The following CLVS2 variants were observed in gnomAD, a reference collection of about 807,000 sequenced individuals.
The protein encoded by CLVS2 is clavesin-2.
Under a neutral mutation model 29.0 loss-of-function variants are expected in CLVS2, and 19 were observed. The observed-to-expected ratio is 0.66, with a 90% CI of 0.46 to 0.96. The LOEUF is 0.96. CLVS2 is among the 40% of genes least tolerant of loss of function. The pLI, the probability that CLVS2 is intolerant of heterozygous loss-of-function variation, is 0.00. For synonymous variants in CLVS2, 161 were observed against 151.3 expected, an observed-to-expected ratio of 1.06 and a Z score of -0.47; for missense variants, 294 against 404.1, an observed-to-expected ratio of 0.73 and a Z score of 2.34.
chr6:123,024,701 A>G (rs1335471699), intron 3 of CLVS2, among the ~76,000 whole-genome samples: 3 of 152,156 alleles, frequency 2.0e-5, no homozygotes, highest in Admixed American at 2.0e-4. Context: ...TTAGAGAAAT[A>G]CTTTCTTGAA....
Position 123,055,210 on chromosome 6 carries a change from G to A in CLVS2, c.676-596G>A, listed in dbSNP as rs181072097. 7.9e-5 allele frequency among the ~76,000 whole-genome samples: 12 copies of A among 152,160 alleles called. No homozygotes were observed. In the East Asian group the frequency reaches 2.3e-3, roughly 29 times the overall value. ...ACATTACAGAACATAATGTCCTTTGGGACATGAACTTCACTCAGCCTTTCA... is the reference window on the plus strand; with the variant it reads ...ACATTACAGAACATAATGTCCTTTGAGACATGAACTTCACTCAGCCTTTCA... On this transcript the variant is annotated intron_variant, in intron 4 of 5. Transcript: ENST00000275162.
At chr6:123,013,630 A>T (rs1774783530) in intron 3 of CLVS2, among the ~76,000 whole-genome samples, 3 of 151,224 alleles carry the variant, frequency 2.0e-5, no homozygotes, top group Non-Finnish European at 4.4e-5. Context: ...TCATAAACCT[A>T]CTTATTTTTT....
intron 3 of CLVS2, among the ~76,000 whole-genome samples, chr6:123,027,400 A>G (rs561496900): frequency 2.0e-5 from 3 of 152,352 alleles, no homozygotes; most frequent in South Asian, 2.1e-4. Context: ...AAAAGTCCAC[A>G]TTAGTGCAGG....
At chr6:123,062,581 C>A (rs1772794498) in intron 5 of CLVS2, among the ~76,000 whole-genome samples, 1 of 152,006 alleles carries the variant, frequency 6.6e-6, no homozygotes, top group Non-Finnish European at 1.5e-5. Context: ...TTAATGCTTT[C>A]ACCTTCATTT....
At position 123,065,361 on chromosome 6, in the gene CLVS2, T is replaced by A. The variant is rs1772838363; in HGVS notation, c.*1600T>A. On this transcript the variant is annotated 3_prime_UTR_variant, in exon 6 of 6. Coordinates refer to ENST00000275162, the MANE Select transcript of CLVS2 (RefSeq NM_001010852.4). ...TAAAGGCATGTGTCAGCCTTCATAT[T>A]TTTTGGCCAAAAGCTCCCAAAATTT... 2 of 151,860 alleles carry A rather than the reference T, an allele frequency of 1.3e-5. No homozygotes were observed. The allele number at this position is 151,860 out of a possible 1,614,324, so 9.4% of individuals were successfully genotyped here.
Position 123,070,309 on chromosome 6 carries a change from G to A in CLVS2, c.*6548G>A, listed in dbSNP as rs1772923828. On this transcript the variant is annotated 3_prime_UTR_variant, in exon 6 of 6. Coordinates refer to ENST00000275162, the MANE Select transcript of CLVS2 (RefSeq NM_001010852.4). ...CCAGTTTCTAGGAATAAAAATTTTG[G>A]AGTCATCCTCTCTTTCCTTCCTCTT... 6.6e-6 allele frequency: 1 copy of A among 151,722 alleles called. No individual in the cohort carries two copies. Among genetic ancestry groups the A allele is most frequent in the African/African-American group, 2.4e-5 (1 of 41,322 alleles). The allele number at this position is 151,722 out of a possible 1,614,324, so 9.4% of individuals were successfully genotyped here. A position where few individuals can be genotyped will look rare whatever the true frequency, so the allele number is the denominator to read the frequency against.
chr6:123,042,082 A>G (rs1283718725), intron 3 of CLVS2, among the ~76,000 whole-genome samples: 1 of 152,190 alleles, frequency 6.6e-6, no homozygotes, highest in Non-Finnish European at 1.5e-5. Context: ...AACACTTATT[A>G]AAATTGAGAC....
At chr6:123,048,511 AATCTC>A in intron 3 of CLVS2, 106 bp from the exon 4 acceptor site, 2 of 668,836 alleles carry the variant, frequency 3.0e-6, no homozygotes, top group Non-Finnish European at 5.2e-6. Flanking sequence ...CTCCACAGAT[AATCTC>A]ATCTAAGTAT....
At chr6:123,022,157 A>G (rs1774933623) in intron 3 of CLVS2, among the ~76,000 whole-genome samples, 1 of 152,020 alleles carries the variant, frequency 6.6e-6, no homozygotes, top group African/African-American at 2.4e-5. Context: ...CATTTTAGTT[A>G]TACTTAATGG....
chr6:122,998,193 C>A, intron 2 of CLVS2, 27 bp downstream of exon 2: 1 of 1,584,200 alleles, frequency 6.3e-7, no homozygotes, highest in Non-Finnish European at 8.6e-7. Flanking sequence ...AACTTGTATT[C>A]TCCTTTTACT....
intron 3 of CLVS2, among the ~76,000 whole-genome samples, chr6:123,012,108 C>T (rs1045393550): frequency 6.6e-6 from 1 of 151,918 alleles, no homozygotes; most frequent in East Asian, 1.9e-4. Flanking sequence ...GATGTTTCTT[C>T]TCCATATAGG....
At position 123,011,093 on chromosome 6, in the gene CLVS2, C is replaced by G; in HGVS notation, c.498C>G (p.Asn166Lys). 1 of 1,611,688 alleles carries G rather than the reference C, an allele frequency of 6.2e-7. No individual in the cohort carries two copies. The highest frequency in any genetic ancestry group is 8.5e-7 in the Non-Finnish European group (1 of 1,178,610). The change falls in exon 3 of 6, where the codon AAC becomes AAG. Residue 166 changes from asparagine to lysine, a missense_variant. Transcript: ENST00000275162. ...TTGTTTTGATCATAGACTGGAGTAACTTCACTTTCAAGCAAGCCTCTAAAC... is the reference window on the plus strand; with the variant it reads ...TTGTTTTGATCATAGACTGGAGTAAGTTCACTTTCAAGCAAGCCTCTAAAC... ...NGFVLIIDWS[N>K]FTFKQASKLT...
intron 2 of CLVS2, among the ~76,000 whole-genome samples, chr6:123,001,245 A>G (rs1562161329): frequency 6.6e-6 from 1 of 152,366 alleles, no homozygotes; most frequent in East Asian, 1.9e-4. Context: ...CTATAAATAA[A>G]ATAGTGTCTG....
intron 4 of CLVS2, among the ~76,000 whole-genome samples, chr6:123,050,012 G>A (rs1218287787): frequency 1.3e-5 from 2 of 152,150 alleles, no homozygotes; most frequent in Non-Finnish European, 2.9e-5. Flanking sequence ...CTTACTGTAA[G>A]TGAATTTGCG....
chr6:123,023,205 GTC>G (rs1774949901), intron 3 of CLVS2, among the ~76,000 whole-genome samples: 1 of 152,038 alleles, frequency 6.6e-6, no homozygotes, highest in Non-Finnish European at 1.5e-5. Flanking sequence ...GCTGTGGTGT[GTC>G]CTTTTCTCTG....
chr6:123,013,173 T>C (rs530409557), intron 3 of CLVS2, among the ~76,000 whole-genome samples: 9 of 152,220 alleles, frequency 5.9e-5, no homozygotes, highest in African/African-American at 2.2e-4. Context: ...ACTGTTTTAC[T>C]TTGCATTTGC....
intron 5 of CLVS2, among the ~76,000 whole-genome samples, chr6:123,058,131 C>T (rs1438787868): frequency 6.6e-6 from 1 of 152,108 alleles, no homozygotes; most frequent in Non-Finnish European, 1.5e-5. Flanking sequence ...AGGTACTTTT[C>T]ATGAAGTAGG....
In CLVS2 at chr6:123,069,546, G is replaced by A. The variant is rs1331416831; in HGVS notation, c.*5785G>A. On this transcript the variant is annotated 3_prime_UTR_variant, in exon 6 of 6. Coordinates refer to ENST00000275162, the MANE Select transcript of CLVS2 (RefSeq NM_001010852.4). Reference sequence around the variant, plus strand: ...CATGAATTTCTTTGGCTCAAACTCAGAGGATTTTCTTTACACAGGATTCTT... The same window carrying A: ...CATGAATTTCTTTGGCTCAAACTCAAAGGATTTTCTTTACACAGGATTCTT... The A allele has an allele frequency of 6.6e-6, 1 of 151,740 alleles. No homozygotes were observed. The allele number at this position is 151,740 out of a possible 1,614,324, so 9.4% of individuals were successfully genotyped here.
intron 3 of CLVS2, among the ~76,000 whole-genome samples, chr6:123,023,496 T>C (rs1774953355): frequency 6.6e-6 from 1 of 152,104 alleles, no homozygotes; most frequent in Non-Finnish European, 1.5e-5. Context: ...CCCATAAGGT[T>C]ATTTATAACC....
Sources: gnomAD v4.1 joint callset for allele counts (sites outside exome capture counted in the v4.1 genomes callset) on GRCh38, gnomAD v4.1.1 for gene constraint, MANE v1.5 for transcripts, NCBI Gene and HGNC (gene_info 2026-07-23, HGNC 2026-07-21) for gene names.